Variants in ABLIM2 observed in about 807,000 individuals in gnomAD.
The protein encoded by ABLIM2 is actin binding LIM protein family member 2.
Under a neutral mutation model 97.7 loss-of-function variants are expected in ABLIM2, and 53 were observed. That is an observed-to-expected ratio of 0.54 (90% CI 0.44 to 0.68). The LOEUF is 0.68. Among genes scored for constraint, ABLIM2 ranks in the 30% least tolerant of loss-of-function variants. ABLIM2 has a pLI of 0.00. For missense variants in ABLIM2, 835 were observed against 867.2 expected, an observed-to-expected ratio of 0.96 and a Z score of 0.47; for synonymous variants, 361 against 345.8, an observed-to-expected ratio of 1.04 and a Z score of -0.49.
intron 17 of ABLIM2, among the ~76,000 whole-genome samples, chr4:7,990,292 G>A (rs1317635067): frequency 1.3e-5 from 2 of 152,148 alleles, no homozygotes; most frequent in Admixed American, 1.3e-4. Flanking sequence ...TGCCTCCGAG[G>A]TTCAAGCAAT....
At chr4:8,118,605 C>A (rs1843827900) in intron 1 of ABLIM2, among the ~76,000 whole-genome samples, 1 of 152,178 alleles carries the variant, frequency 6.6e-6, no homozygotes, top group African/African-American at 2.4e-5. Context: ...GAACACAGCC[C>A]AGCCCCTAAA....
intron 12 of ABLIM2, chr4:8,020,523 G>C: frequency 1.6e-6 from 1 of 638,394 alleles, no homozygotes; most frequent in Middle Eastern, 2.5e-4. Flanking sequence ...TCTGTCCAGA[G>C]TCCCAAGGCA....
rs202045802 is a variant in ABLIM2 at position 8,032,626 on chromosome 4, C to T, written c.1048-2850G>A. 1 of 1,612,374 alleles carries T rather than the reference C, an allele frequency of 6.2e-7. No individual in the cohort carries two copies. Among genetic ancestry groups the T allele is most frequent in the African/African-American group, 1.3e-5 (1 of 74,996 alleles). ...GCAGCAGCGCCACGGCAAGCGGGGA[C>T]AGGCGAGAGGGTGGTGGTTACCTCG... On this transcript the variant is annotated intron_variant, in intron 10 of 20. Coordinates refer to ENST00000447017, the MANE Select transcript of ABLIM2 (RefSeq NM_001130083.2). The surrounding 1 kb of genome is among the most constrained non-coding windows in gnomAD (Gnocchi z 4.3).
At chr4:8,115,959 G>A (rs1172492528) in intron 1 of ABLIM2, among the ~76,000 whole-genome samples, 1 of 152,194 alleles carries the variant, frequency 6.6e-6, no homozygotes, top group Non-Finnish European at 1.5e-5. Context: ...GAGCCCACAT[G>A]CCGCTATTCT....
rs1485344602 is a variant in ABLIM2, at chr4:7,998,211, C to A, written c.1619-5284G>T. 6.6e-6 allele frequency among the ~76,000 whole-genome samples: 1 copy of A among 152,008 alleles called. No individual in the cohort carries two copies. The highest frequency in any genetic ancestry group is 6.6e-5 in the Admixed American group (1 of 15,260). ...TTCTGCTGTCTTTTTTCATTCAAAT[C>A]ATTGATCTTCGGTGTTCTTGGTGTG... On this transcript the variant is annotated intron_variant, in intron 16 of 20. Coordinates refer to ENST00000447017, the MANE Select transcript of ABLIM2 (RefSeq NM_001130083.2). The surrounding 1 kb of genome is among the most constrained non-coding windows in gnomAD (Gnocchi z 6.4).
At position 7,999,620 on chromosome 4, in the gene ABLIM2, T is replaced by C. The variant is rs1359699389; in HGVS notation, c.1619-6693A>G. ...TTGCAGGCATGTGGGGTCTAATGCA[T>C]GTCAGATGGAAGCAGACAGCCTTCA... On this transcript the variant is annotated intron_variant, in intron 16 of 20. Coordinates refer to ENST00000447017, the MANE Select transcript of ABLIM2 (RefSeq NM_001130083.2). The surrounding 1 kb of genome is among the most constrained non-coding windows in gnomAD (Gnocchi z 4.4). Among the ~76,000 whole-genome samples the C allele has an allele frequency of 2.6e-5, 4 of 152,212 alleles. No homozygotes were observed. Among genetic ancestry groups the C allele is most frequent in the Admixed American group, 2.0e-4 (3 of 15,286 alleles).
chr4:8,116,649 G>A (rs1022111075), intron 1 of ABLIM2, among the ~76,000 whole-genome samples: 21 of 152,334 alleles, frequency 1.4e-4, no homozygotes, highest in Admixed American at 1.2e-3. Flanking sequence ...GCTAGAAAGT[G>A]TTACAAAATC....
Position 8,001,198 on chromosome 4 carries a change from C to A in ABLIM2, c.1618+6861G>T, listed in dbSNP as rs72488938. 0.11 allele frequency among the ~76,000 whole-genome samples: 16,178 copies of A among 152,226 alleles called. 1,003 individuals are homozygous for A. Among genetic ancestry groups the A allele is most frequent in the African/African-American group, 0.17 (6,876 of 41,528 alleles). ...GCTGGACTGGGGAGGGGAGGCAGAG[C>A]TTCCGGTGTCGGGGCCCAGGCAGCA... On this transcript the variant is annotated intron_variant, in intron 16 of 20. Transcript: ENST00000447017. This position sits in a 1 kb window ranked among gnomAD's most constrained non-coding sequence, Gnocchi z 4.2.
chr4:7,988,956 CAT>C lies in ABLIM2; in HGVS notation c.1680+3908_1680+3909del, dbSNP rs372413336. 3.7e-3 allele frequency among the ~76,000 whole-genome samples: 567 copies of C among 151,654 alleles called. 2 individuals carry two copies. The highest frequency in any genetic ancestry group is 0.013 in the African/African-American group (524 of 41,384). On this transcript the variant is annotated intron_variant, in intron 17 of 20. Coordinates refer to ENST00000447017, the MANE Select transcript of ABLIM2 (RefSeq NM_001130083.2). Reference sequence around the variant, plus strand: ...AACATTTTAATAAATATTTTCCAAACATGTGAAAATCTCATTCAAGAGATATA... The same window carrying C: ...AACATTTTAATAAATATTTTCCAAACGTGAAAATCTCATTCAAGAGATATA...
At chr4:8,078,855 C>T (rs1375686662) in intron 5 of ABLIM2, among the ~76,000 whole-genome samples, 3 of 152,252 alleles carry the variant, frequency 2.0e-5, no homozygotes, top group Admixed American at 6.5e-5. Context: ...AGACCCAGCA[C>T]GTGTGGGGGT....
rs749117758 is a variant in ABLIM2 at position 8,008,129 on chromosome 4, C to T, written c.1548G>A (p.Gln516=). 6.2e-7 allele frequency: 1 copy of T among 1,614,046 alleles called. No homozygotes were observed. Among genetic ancestry groups the T allele is most frequent in the South Asian group, 1.1e-5 (1 of 91,088 alleles). ...TRTNSPDLDT[Q]SLSHSSGTDR... ...CGGTCCCGCTGCTGTGGGACAAGGA[C>T]TGGGTGTCCAGGTCTGGAGAATTGG... Residue 516 remains glutamine (Q), a synonymous_variant, in exon 16 of 21, where the codon CAG becomes CAA. Coordinates refer to ENST00000447017, the MANE Select transcript of ABLIM2 (RefSeq NM_001130083.2).
chr4:8,096,744 C>T (rs373804462), intron 3 of ABLIM2, among the ~76,000 whole-genome samples: 5 of 152,190 alleles, frequency 3.3e-5, no homozygotes, highest in Middle Eastern at 3.4e-3. Flanking sequence ...GCAGGGACCA[C>T]GTAGGAAGGC....
At chr4:8,012,363 C>A (rs1481942730) in intron 14 of ABLIM2, among the ~76,000 whole-genome samples, 1 of 150,558 alleles carries the variant, frequency 6.6e-6, no homozygotes, top group African/African-American at 2.4e-5. Context: ...ATCTATCTAC[C>A]CATCTGTCCA....
chr4:8,029,711 A>T lies in ABLIM2; in HGVS notation c.1113T>A (p.Val371=), dbSNP rs1779656890. 1.3e-6 allele frequency: 2 copies of T among 1,552,684 alleles called. No homozygotes were observed. Among genetic ancestry groups the T allele is most frequent in the African/African-American group, 1.4e-5 (1 of 73,222 alleles). The stretch of plus-strand genomic sequence containing the variant: ...AGGTCGGAGTGTAGCGCCCGAGGCT[A>T]ACCGACCCAGTGGAGCTTGGGCTGG... The part of the protein sequence containing the change: ...RTSSPSSTGS[V]SLGRYTPTSR... Residue 371 remains valine, a synonymous_variant, in exon 11 of 21, where the codon GTT becomes GTA. Transcript: ENST00000447017.
chr4:8,091,455 AT>A (rs367850619), intron 3 of ABLIM2, among the ~76,000 whole-genome samples: 22,246 of 50,754 alleles, frequency 0.44, 6,666 homozygotes, highest in Non-Finnish European at 0.55. Flanking sequence ...ATTATATATA[AT>A]TATATAATTA....
Position 8,112,887 on chromosome 4 carries a change from A to C in ABLIM2, c.11-6250T>G, listed in dbSNP as rs1841051265. Among the ~76,000 whole-genome samples the C allele has an allele frequency of 6.6e-6, 1 of 152,032 alleles. No homozygotes were observed. Among genetic ancestry groups the C allele is most frequent in the Admixed American group, 6.6e-5 (1 of 15,264 alleles). The stretch of plus-strand genomic sequence containing the variant: ...CTGCTGGGCTGCAAACCATGTGTTC[A>C]CTTGTTCAACAGACACGGGAGCAGA... On this transcript the variant is annotated intron_variant, in intron 1 of 20. Transcript: ENST00000447017. The surrounding 1 kb of genome is among the most constrained non-coding windows in gnomAD (Gnocchi z 4.2).
rs2149948044 is a variant in ABLIM2 at position 7,992,635 on chromosome 4, G to A, written c.1680+231C>T. ...CACACACTGAGCTCTCCCTGGGGTCGGGGGCAGGGAGGCAGAGTGGGGAGG... is the reference window on the plus strand; with the variant it reads ...CACACACTGAGCTCTCCCTGGGGTCAGGGGCAGGGAGGCAGAGTGGGGAGG... On this transcript the variant is annotated intron_variant, in intron 17 of 20. Transcript: ENST00000447017. The surrounding 1 kb of genome is among the most constrained non-coding windows in gnomAD (Gnocchi z 5.7). Among the ~76,000 whole-genome samples, 1 of 152,244 alleles carries A rather than the reference G, an allele frequency of 6.6e-6. No homozygotes were observed. Among genetic ancestry groups the A allele is most frequent in the East Asian group, 1.9e-4 (1 of 5,174 alleles).
intron 8 of ABLIM2, among the ~76,000 whole-genome samples, chr4:8,048,563 C>T (rs190338304): frequency 5.3e-5 from 8 of 152,328 alleles, no homozygotes; most frequent in African/African-American, 1.9e-4. Flanking sequence ...ACTCCAATGC[C>T]AAGCCTCGCT....
rs1001166276 is a variant in ABLIM2, at chr4:8,153,612, G to A, written c.10+5068C>T. On this transcript the variant is annotated intron_variant, in intron 1 of 20. Transcript: ENST00000447017. ...GCAGCTGCCTGTGCTAAGCTCCCTC[G>A]ATGCTGGGAGACACCCCCATCCCAC... is the stretch of plus-strand genomic sequence containing the variant. Among the ~76,000 whole-genome samples, 9 of 152,184 alleles carry A rather than the reference G, an allele frequency of 5.9e-5. No individual in the cohort carries two copies. In the East Asian group the frequency reaches 9.6e-4, roughly 16 times the overall value.
Sources: gnomAD v4.1 joint callset for allele counts (sites outside exome capture counted in the v4.1 genomes callset) on GRCh38, gnomAD v4.1.1 for gene constraint, Gnocchi (gnomAD v3.1) non-coding constraint, MANE v1.5 for transcripts, NCBI Gene and HGNC (gene_info 2026-07-23, HGNC 2026-07-21) for gene names.